PPP2R2C: variants seen among roughly 807,000 people sequenced by gnomAD.
PPP2R2C encodes the protein protein phosphatase 2, regulatory subunit B, gamma.
A neutral mutation model predicts 45.3 loss-of-function variants in PPP2R2C; 10 were observed. The ratio of observed to expected loss-of-function variants is 0.22; its 90% CI spans 0.14 to 0.37. PPP2R2C has a LOEUF of 0.37. Among genes scored for constraint, PPP2R2C ranks in the 10% least tolerant of loss-of-function variants. The pLI, the probability that PPP2R2C is intolerant of heterozygous loss-of-function variation, is 1.00. For synonymous variants in PPP2R2C, 257 were observed against 245.4 expected, an observed-to-expected ratio of 1.05 and a Z score of -0.44; for missense variants, 308 against 619.7, an observed-to-expected ratio of 0.50 and a Z score of 5.34.
Position 6,380,899 on chromosome 4 carries a change from C to T in PPP2R2C, c.168+98G>A. The stretch of plus-strand genomic sequence containing the variant: ...CCTCCCACCTCTCACCGCATCACCC[C>T]TTATCCCCCTTATCCTTATCCCCTC... On this transcript the variant is annotated intron_variant, in intron 2 of 8. Transcript: ENST00000382599. 5 of 1,432,916 alleles carry T rather than the reference C, an allele frequency of 3.5e-6. No homozygotes were observed. The South Asian group carries it at 7.4e-5, about 21-fold the overall frequency. The allele number at this position is 1,432,916 out of a possible 1,614,324, so 88.8% of individuals were successfully genotyped here.
At chr4:6,516,924 T>C (rs9998544) in intron 2 of PPP2R2C, among the ~76,000 whole-genome samples, 119,481 of 152,094 alleles carry the variant, frequency 0.79, 47,192 homozygotes, top group African/African-American at 0.85. Flanking sequence ...GCGAGTGGCA[T>C]GTAGGCAGGG....
At chr4:6,327,316 G>T (rs879409721) in intron 8 of PPP2R2C, among the ~76,000 whole-genome samples, 37 of 152,314 alleles carry the variant, frequency 2.4e-4, no homozygotes, top group Non-Finnish European at 4.0e-4. Flanking sequence ...GACAGGGCGT[G>T]GCTGGCGTGT....
intron 5 of PPP2R2C, among the ~76,000 whole-genome samples, chr4:6,357,459 T>C (rs1366933661): frequency 6.6e-6 from 1 of 152,232 alleles, no homozygotes; most frequent in Admixed American, 6.5e-5. Context: ...GACTCAACTC[T>C]GCTGTTGTAA....
intron 1 of PPP2R2C, among the ~76,000 whole-genome samples, chr4:6,434,205 T>C (rs572573848): frequency 8.8e-4 from 134 of 152,306 alleles, no homozygotes; most frequent in Admixed American, 1.5e-3. Context: ...TCACGTTCTT[T>C]TCATTGCTAT....
chr4:6,517,406 T>C lies in PPP2R2C; in HGVS notation c.49+17865A>G, dbSNP rs555879987. Among the ~76,000 whole-genome samples, 58 of 152,286 alleles carry C rather than the reference T, an allele frequency of 3.8e-4. 1 individual carries two copies. Among genetic ancestry groups the C allele is most frequent in the African/African-American group, 1.2e-3 (49 of 41,576 alleles). On this transcript the variant is annotated intron_variant, in intron 2 of 9. Coordinates refer to the PPP2R2C transcript ENST00000506140. ...TACCTAGCCTATCTGAGCCTCACTC[T>C]CTTCTCTGTGAAGTGGCAATGATAA...
intron 2 of PPP2R2C, among the ~76,000 whole-genome samples, chr4:6,517,366 A>T (rs1001572784): frequency 2.0e-4 from 31 of 152,192 alleles, no homozygotes; most frequent in African/African-American, 7.2e-4. Context: ...AGTAGCTAGG[A>T]GAGCCCAGGC....
At chr4:6,327,643 G>A (rs1732057320) in intron 8 of PPP2R2C, among the ~76,000 whole-genome samples, 1 of 152,240 alleles carries the variant, frequency 6.6e-6, no homozygotes, top group African/African-American at 2.4e-5. Flanking sequence ...CATGGGAGGA[G>A]CCCTGTCTGC....
At chr4:6,431,548 T>C (rs552933345) in intron 1 of PPP2R2C, among the ~76,000 whole-genome samples, 1 of 152,298 alleles carries the variant, frequency 6.6e-6, no homozygotes, top group East Asian at 1.9e-4. Context: ...CCCAAGGGGC[T>C]AAGTCCAAAG....
At chr4:6,562,283 T>G (rs751898447) in intron 1 of PPP2R2C, among the ~76,000 whole-genome samples, 15 of 152,138 alleles carry the variant, frequency 9.9e-5, no homozygotes, top group Admixed American at 1.3e-4. Context: ...GTCCCCTCCA[T>G]GTTGCTGACA....
intron 1 of PPP2R2C, among the ~76,000 whole-genome samples, chr4:6,548,448 A>G (rs923670075): frequency 1.3e-5 from 2 of 152,216 alleles, no homozygotes; most frequent in Admixed American, 6.5e-5. Flanking sequence ...GAGCGCCTGG[A>G]ACCCTTGTGC....
intron 1 of PPP2R2C, among the ~76,000 whole-genome samples, chr4:6,546,495 C>T (rs1724988934): frequency 1.3e-5 from 2 of 152,148 alleles, no homozygotes; most frequent in South Asian, 2.1e-4. Context: ...AAAATCAAGG[C>T]TCAGGGATGT....
At chr4:6,385,040 A>G (rs1716120041) in intron 1 of PPP2R2C, among the ~76,000 whole-genome samples, 1 of 152,190 alleles carries the variant, frequency 6.6e-6, no homozygotes, top group Non-Finnish European at 1.5e-5. Context: ...AGAGAAGACG[A>G]GGACTCCAGG....
upstream of PPP2R2C, among the ~76,000 whole-genome samples, chr4:6,476,985 T>C (rs1577211938): frequency 6.6e-6 from 1 of 152,132 alleles, no homozygotes. Flanking sequence ...ACTGGCTGGG[T>C]GCAGCAGTTC....
chr4:6,369,872 C>T (rs1208470272), intron 5 of PPP2R2C, among the ~76,000 whole-genome samples: 1 of 152,208 alleles, frequency 6.6e-6, no homozygotes, highest in Non-Finnish European at 1.5e-5. Context: ...TGAGTTTCTC[C>T]CATTCATCCC....
At chr4:6,506,046 T>G (rs925657145) in intron 2 of PPP2R2C, among the ~76,000 whole-genome samples, 5 of 152,090 alleles carry the variant, frequency 3.3e-5, no homozygotes, top group Non-Finnish European at 4.4e-5. Flanking sequence ...GTGGATGAAT[T>G]TCATAGGCAT....
chr4:6,400,108 T>G (rs1481311029), intron 1 of PPP2R2C, among the ~76,000 whole-genome samples: 2 of 152,222 alleles, frequency 1.3e-5, no homozygotes, highest in Admixed American at 1.3e-4. Flanking sequence ...TCTAAGACTG[T>G]GGTCTAAGTA....
intron 1 of PPP2R2C, among the ~76,000 whole-genome samples, chr4:6,398,986 A>G (rs1044025319): frequency 6.6e-6 from 1 of 152,262 alleles, no homozygotes; most frequent in African/African-American, 2.4e-5. Flanking sequence ...AAGAAGCCAG[A>G]CCAAAAAATG....
At chr4:6,479,659 A>G (rs1179055667) in intron 2 of PPP2R2C, among the ~76,000 whole-genome samples, 4 of 152,192 alleles carry the variant, frequency 2.6e-5, no homozygotes, top group Non-Finnish European at 5.9e-5. Context: ...TGTAATTGCC[A>G]GAAACCTTTT....
intron 2 of PPP2R2C, among the ~76,000 whole-genome samples, chr4:6,478,641 C>T (rs1028769738): frequency 1.3e-5 from 2 of 152,270 alleles, no homozygotes; most frequent in African/African-American, 4.8e-5. Flanking sequence ...CTACCTCCCC[C>T]TTTGCCAGCT....
Sources: allele counts gnomAD v4.1 joint callset (sites outside exome capture counted in the v4.1 genomes callset), GRCh38; gene constraint gnomAD v4.1.1; transcripts MANE v1.5; gene names NCBI Gene and HGNC (gene_info 2026-07-23, HGNC 2026-07-21).